ATP13A3: variants seen among roughly 807,000 people sequenced by gnomAD.
ATP13A3 encodes the protein polyamine-transporting ATPase 13A3.
ATP13A3 carries 59 observed loss-of-function variants against 158.1 expected under a neutral mutation model. The ratio of observed to expected loss-of-function variants is 0.37; its 90% CI spans 0.30 to 0.46. The LOEUF (loss-of-function observed/expected upper bound fraction) is 0.46. ATP13A3 is among the 20% of genes least tolerant of loss of function. ATP13A3 has a pLI of 1.00. For synonymous variants in ATP13A3, 491 were observed against 504.3 expected (o/e 0.97, Z 0.35); for missense variants, 1,166 against 1,525.2 (o/e 0.76, Z 3.92).
At chr3:194,472,280 AC>A (rs1195984825) in intron 2 of ATP13A3, among the ~76,000 whole-genome samples, 2 of 151,996 alleles carry the variant, frequency 1.3e-5, no homozygotes, top group African/African-American at 4.8e-5. Flanking sequence ...CAAAAAAAAA[AC>A]ACAGTCAACC....
intron 28 of ATP13A3, among the ~76,000 whole-genome samples, chr3:194,427,797 T>A (rs1424843288): frequency 5.3e-5 from 8 of 152,152 alleles, no homozygotes; most frequent in Admixed American, 6.5e-5. Context: ...AAACTACAGT[T>A]AAAATAATAC....
rs79060645 is a variant in ATP13A3 at position 194,463,254 on chromosome 3, G to C, written c.-46-1018C>G. ...CTGACTACCTACAAAACTTGTCCAG[G>C]GAAAAAATTCATTGAGCCCACTGAC... On this transcript the variant is annotated intron_variant, in intron 2 of 33. Coordinates refer to ENST00000645319, the MANE Select transcript of ATP13A3 (RefSeq NM_001367549.1). Among the ~76,000 whole-genome samples the C allele has an allele frequency of 6.5e-3, 986 of 150,832 alleles. 13 individuals carry two copies. Among genetic ancestry groups the C allele is most frequent in the African/African-American group, 0.022 (914 of 41,120 alleles).
In ATP13A3 at chr3:194,454,361, A is replaced by G. The variant is rs1335324848; in HGVS notation, c.662T>C (p.Phe221Ser). 11 of 1,611,746 alleles carry G rather than the reference A, an allele frequency of 6.8e-6. No individual in the cohort carries two copies. The highest frequency in any genetic ancestry group is 9.3e-6 in the Non-Finnish European group (11 of 1,178,272). ...ATCAGTGCTCCACAGTATAACACTG[A>G]ACAGCTGGAAAATGTAAAATGGGTT... ...VLNPFYIFQL[F>S]SVILWSTDEY... Residue 221 changes from phenylalanine (F) to serine (S), a missense_variant, in exon 9 of 34, where the codon TTC becomes TCC. This residue lies in a region of ATP13A3 where 997 missense variants were observed against 1,341.2 expected (regional missense o/e 0.74). Coordinates refer to ENST00000645319, the MANE Select transcript of ATP13A3 (RefSeq NM_001367549.1).
chr3:194,457,313 T>C (rs1025826250), intron 6 of ATP13A3, 139 bp from the exon 7 acceptor site: 12 of 594,636 alleles, frequency 2.0e-5, no homozygotes, highest in Non-Finnish European at 3.6e-5. Flanking sequence ...AAAATTGAGA[T>C]AACAAATGAG....
At chr3:194,466,985 T>A (rs1259514185) in intron 2 of ATP13A3, among the ~76,000 whole-genome samples, 1 of 152,374 alleles carries the variant, frequency 6.6e-6, no homozygotes, top group East Asian at 1.9e-4. Context: ...CAATCTACTA[T>A]GTGCCAGGTA....
chr3:194,487,191 G>T (rs1470446216), upstream of ATP13A3, among the ~76,000 whole-genome samples: 1 of 152,154 alleles, frequency 6.6e-6, no homozygotes, highest in African/African-American at 2.4e-5. Flanking sequence ...AGGCGAGGCC[G>T]TCCAAAAACG....
intron 30 of ATP13A3, among the ~76,000 whole-genome samples, chr3:194,424,970 T>C (rs1716652586): frequency 6.6e-6 from 1 of 152,190 alleles, no homozygotes; most frequent in African/African-American, 2.4e-5. Context: ...CTTCCATTCC[T>C]AACTCCCTCC....
At chr3:194,480,506 T>G (rs59081747) in intron 2 of ATP13A3, among the ~76,000 whole-genome samples, 4,238 of 152,208 alleles carry the variant, frequency 0.028, 188 homozygotes, top group African/African-American at 0.097. Context: ...AGGAATAAAT[T>G]TATTCTTTAA....
chr3:194,434,602 G>A (rs1717483128), intron 20 of ATP13A3, among the ~76,000 whole-genome samples: 2 of 152,188 alleles, frequency 1.3e-5, no homozygotes, highest in South Asian at 4.1e-4. Context: ...GATGAAGTCT[G>A]TTCAGTGATA....
At position 194,447,963 on chromosome 3, in the gene ATP13A3, G is replaced by C. The variant is rs775922870; in HGVS notation, c.1197C>G (p.Pro399=). ...TGTAGAGTTTAAAATCAGTTGGTTT[G>C]GGATACAATATGGAACGAACAAGCT... The part of the protein sequence containing the change: ...KGQLVRSILY[P]KPTDFKLYRD... The change falls in exon 13 of 34, where the codon CCC becomes CCG. Residue 399 remains proline (P), a synonymous_variant. Coordinates refer to ENST00000645319, the MANE Select transcript of ATP13A3 (RefSeq NM_001367549.1). The C allele has an allele frequency of 6.2e-7, 1 of 1,610,888 alleles. No homozygotes were observed. The highest frequency in any genetic ancestry group is 8.5e-7 in the Non-Finnish European group (1 of 1,177,236).
chr3:194,428,435 G>A (rs1443099252), intron 28 of ATP13A3, among the ~76,000 whole-genome samples: 1 of 151,862 alleles, frequency 6.6e-6, no homozygotes, highest in Non-Finnish European at 1.5e-5. Context: ...TCTAATCTAG[G>A]GGACTACGGG....
intron 2 of ATP13A3, among the ~76,000 whole-genome samples, chr3:194,482,014 G>A (rs943015203): frequency 7.2e-5 from 11 of 152,310 alleles, no homozygotes; most frequent in Admixed American, 2.0e-4. Flanking sequence ...TAACAGATAT[G>A]GTATTGGCAT....
At chr3:194,453,221 A>T (rs1718937013) in intron 10 of ATP13A3, among the ~76,000 whole-genome samples, 1 of 148,004 alleles carries the variant, frequency 6.8e-6, no homozygotes, top group Non-Finnish European at 1.5e-5. Context: ...AGGCTGAGAC[A>T]GGAGGGTAAG....
chr3:194,444,840 A>C (rs967737939), intron 14 of ATP13A3, 54 bp from the exon 15 acceptor site: 21 of 1,440,648 alleles, frequency 1.5e-5, no homozygotes, highest in Non-Finnish European at 2.0e-5. Flanking sequence ...CTCAAAAAAA[A>C]ACCCAAAAAT....
chr3:194,467,835 A>C (rs899439410), intron 2 of ATP13A3: 2 of 152,216 alleles, frequency 1.3e-5, no homozygotes, highest in African/African-American at 4.8e-5. Context: ...CTATATATCT[A>C]ATCAGACATT....
intron 2 of ATP13A3, among the ~76,000 whole-genome samples, chr3:194,468,788 G>A (rs1720152300): frequency 6.6e-6 from 1 of 152,166 alleles, no homozygotes; most frequent in Non-Finnish European, 1.5e-5. Flanking sequence ...AAAAGTTCAG[G>A]CAAAGCAATT....
chr3:194,484,385 T>G (rs1447019163), intron 2 of ATP13A3, among the ~76,000 whole-genome samples: 1 of 152,226 alleles, frequency 6.6e-6, no homozygotes, highest in African/African-American at 2.4e-5. Context: ...AAACTATGCT[T>G]GTATAACGTG....
intron 11 of ATP13A3, among the ~76,000 whole-genome samples, chr3:194,449,819 C>T (rs1406965882): frequency 2.6e-5 from 4 of 152,102 alleles, no homozygotes; most frequent in Admixed American, 6.6e-5. Context: ...ACTTTTTACA[C>T]ATCAAATGGG....
intron 2 of ATP13A3, among the ~76,000 whole-genome samples, chr3:194,475,596 A>C (rs1720492112): frequency 6.6e-6 from 1 of 152,194 alleles, no homozygotes; most frequent in Non-Finnish European, 1.5e-5. Context: ...AAAATACAGT[A>C]ATATAAGTTG....
Sources: allele counts gnomAD v4.1 joint callset (sites outside exome capture counted in the v4.1 genomes callset), GRCh38; gene constraint gnomAD v4.1.1; regional missense constraint gnomAD v4.1.1; transcripts MANE v1.5; gene names NCBI Gene and HGNC (gene_info 2026-07-23, HGNC 2026-07-21).